MEMO1: variants seen among roughly 807,000 people sequenced by gnomAD.
MEMO1 encodes the protein protein MEMO1.
A neutral mutation model predicts 45.2 loss-of-function variants in MEMO1; 6 were observed. That is an observed-to-expected ratio of 0.13 (90% confidence interval 0.07 to 0.26). The LOEUF (loss-of-function observed/expected upper bound fraction) is 0.26. MEMO1 is among the 10% of genes least tolerant of loss of function. MEMO1 has a pLI of 1.00. For missense variants in MEMO1, 184 were observed against 370.5 expected (o/e 0.50, Z 4.13); for synonymous variants, 78 against 124.3 (o/e 0.63, Z 2.48).
At chr2:31,877,257 A>G (rs1015978453) in intron 8 of MEMO1, among the ~76,000 whole-genome samples, 1 of 152,248 alleles carries the variant, frequency 6.6e-6, no homozygotes, top group African/African-American at 2.4e-5. Flanking sequence ...TAAGTCATGC[A>G]GTAATAAATA....
chr2:31,876,034 A>T (rs1215626569), intron 8 of MEMO1, among the ~76,000 whole-genome samples: 1 of 152,140 alleles, frequency 6.6e-6, no homozygotes, highest in East Asian at 1.9e-4. Flanking sequence ...TTGCCACACA[A>T]CTACCACAGT....
At chr2:31,922,217 T>C (rs549056960) in intron 4 of MEMO1, among the ~76,000 whole-genome samples, 1 of 152,276 alleles carries the variant, frequency 6.6e-6, no homozygotes, top group East Asian at 1.9e-4. Context: ...GAATGTGTGC[T>C]TTAGCAATGT....
At chr2:31,966,217 T>G (rs1370321929) in intron 2 of MEMO1, among the ~76,000 whole-genome samples, 1 of 152,168 alleles carries the variant, frequency 6.6e-6, no homozygotes, top group African/African-American at 2.4e-5. Context: ...CATCCCTTCA[T>G]TCCCACATAA....
chr2:32,002,220 C>T (rs1419596406), intron 2 of MEMO1, among the ~76,000 whole-genome samples: 5 of 133,098 alleles, frequency 3.8e-5, no homozygotes, highest in African/African-American at 1.1e-4. Context: ...TACGTATATA[C>T]GTATATGTGT....
At chr2:31,927,096 C>T (rs1258690037) in intron 4 of MEMO1, among the ~76,000 whole-genome samples, 6 of 151,936 alleles carry the variant, frequency 3.9e-5, no homozygotes, top group Admixed American at 2.6e-4. Context: ...TTTGAGAGGC[C>T]GAGGCAGGTC....
chr2:31,948,695 T>C (rs1572776041), intron 2 of MEMO1, among the ~76,000 whole-genome samples: 3 of 152,174 alleles, frequency 2.0e-5, no homozygotes, highest in Admixed American at 6.5e-5. Flanking sequence ...GGTCAGCAGA[T>C]TGAGATCAGC....
intron 2 of MEMO1, among the ~76,000 whole-genome samples, chr2:32,000,826 C>G (rs960109793): frequency 1.3e-5 from 2 of 151,570 alleles, no homozygotes; most frequent in Non-Finnish European, 2.9e-5. Flanking sequence ...CTCAAGAGGT[C>G]CTGAGAACAT....
intron 2 of MEMO1, among the ~76,000 whole-genome samples, chr2:31,987,203 A>G (rs1039464663): frequency 6.6e-6 from 1 of 152,116 alleles, no homozygotes; most frequent in Non-Finnish European, 1.5e-5. Context: ...GGGTCTCGCT[A>G]TGTTGTCCTG....
chr2:31,965,646 A>T (rs1260792014), intron 2 of MEMO1, among the ~76,000 whole-genome samples: 1 of 152,214 alleles, frequency 6.6e-6, no homozygotes, highest in Non-Finnish European at 1.5e-5. Context: ...GAGGATAAAA[A>T]GGAATGAGAT....
chr2:32,004,930 A>C (rs2148613844), intron 2 of MEMO1, among the ~76,000 whole-genome samples: 1 of 152,108 alleles, frequency 6.6e-6, no homozygotes, highest in South Asian at 2.1e-4. Flanking sequence ...CCGTTTCAAA[A>C]AAAAAAAAAA....
At chr2:31,978,968 C>T (rs1041766824) in intron 2 of MEMO1, among the ~76,000 whole-genome samples, 1 of 151,566 alleles carries the variant, frequency 6.6e-6, no homozygotes, top group Non-Finnish European at 1.5e-5. Context: ...CATCCCCCCC[C>T]AAAAAAAAGT....
At chr2:31,913,525 T>A (rs1299276329) in intron 6 of MEMO1, among the ~76,000 whole-genome samples, 1 of 151,890 alleles carries the variant, frequency 6.6e-6, no homozygotes, top group South Asian at 2.1e-4. Context: ...GAGTTTTTTT[T>A]TTTTTTTATT....
intron 2 of MEMO1, among the ~76,000 whole-genome samples, chr2:31,950,759 T>C (rs1240964938): frequency 6.6e-6 from 1 of 150,614 alleles, no homozygotes; most frequent in Non-Finnish European, 1.5e-5. Flanking sequence ...ACAATGGAAG[T>C]AAAAAATTTA....
chr2:31,990,321 C>T (rs935856742), intron 2 of MEMO1, among the ~76,000 whole-genome samples: 7 of 152,062 alleles, frequency 4.6e-5, no homozygotes, highest in African/African-American at 7.2e-5. Flanking sequence ...TCTTCTTGTT[C>T]CGAAAGATAG....
intron 7 of MEMO1, among the ~76,000 whole-genome samples, chr2:31,890,198 G>A (rs954726941): frequency 2.0e-5 from 3 of 152,074 alleles, no homozygotes; most frequent in African/African-American, 4.8e-5. Context: ...GTGAATTTAT[G>A]TTACAGTTGC....
chr2:31,913,248 C>CA (rs3065389), intron 6 of MEMO1, among the ~76,000 whole-genome samples: 2,712 of 43,418 alleles, frequency 0.062, 185 homozygotes, highest in African/African-American at 0.14. Flanking sequence ...GACTCCGTCT[C>CA]AAAAAAAAAA....
At chr2:31,933,566 T>C (rs1397003077) in intron 3 of MEMO1, among the ~76,000 whole-genome samples, 1 of 151,566 alleles carries the variant, frequency 6.6e-6, no homozygotes, top group South Asian at 2.1e-4. Context: ...GCCAATCATA[T>C]CACAACAAGG....
At chr2:31,922,899 T>C (rs1164714748) in intron 4 of MEMO1, among the ~76,000 whole-genome samples, 1 of 152,134 alleles carries the variant, frequency 6.6e-6, no homozygotes, top group Non-Finnish European at 1.5e-5. Context: ...GTTGATTCCT[T>C]GTCTTTACTA....
rs201773702 is a variant in MEMO1, at chr2:31,868,371, G to A, written c.884C>T (p.Thr295Met). The part of the protein sequence containing the change: ...SSVSYAAGAL[T>M]VH ...TGAGGATTCAGAGCTTCAGTGGACC[G>A]TGAGTGCTCCAGCTGCATAACTCAC... The change falls in exon 10 of 10, where the codon ACG (threonine) becomes ATG (methionine). Residue 295 changes from threonine (T) to methionine (M), a missense_variant. Thr to Met is a moderately conservative substitution (Grantham distance 81). Coordinates refer to ENST00000404530, the MANE Select transcript of MEMO1 (RefSeq NM_001301833.4). 5.0e-5 allele frequency: 78 copies of A among 1,550,160 alleles called. No individual in the cohort carries two copies. Among genetic ancestry groups the A allele is most frequent in the South Asian group, 2.6e-4 (21 of 80,192 alleles).
Sources: allele counts gnomAD v4.1 joint callset (sites outside exome capture counted in the v4.1 genomes callset), GRCh38; gene constraint gnomAD v4.1.1; transcripts MANE v1.5; gene names NCBI Gene and HGNC (gene_info 2026-07-23, HGNC 2026-07-21).